Variants in C2CD3 observed in about 807,000 individuals in gnomAD.
C2CD3 encodes the protein C2 domain containing 3 centriole elongation regulator, also known as C2 domain-containing protein 3.
C2CD3 carries 148 observed loss-of-function variants against 234.0 expected under a neutral mutation model. The observed-to-expected ratio is 0.63, with a 90% CI of 0.55 to 0.72. C2CD3 has a LOEUF of 0.72. C2CD3 is among the 30% of genes least tolerant of loss of function. C2CD3 has a pLI of 0.00. For missense variants in C2CD3, 2,577 were observed against 2,811.5 expected, an observed-to-expected ratio of 0.92 and a Z score of 1.89; for synonymous variants, 1,000 against 1,035.4, an observed-to-expected ratio of 0.97 and a Z score of 0.66.
intron 20 of C2CD3, among the ~76,000 whole-genome samples, chr11:74,090,361 C>T (rs1347980774): frequency 1.3e-4 from 20 of 152,016 alleles, no homozygotes; most frequent in Admixed American, 1.0e-3. Context: ...ATGAGGATCC[C>T]GCCACTGCAC....
At chr11:74,091,228 C>T (rs1328744923) in intron 19 of C2CD3, 1 of 258,888 alleles carries the variant, frequency 3.9e-6, no homozygotes, top group African/African-American at 2.2e-5. Flanking sequence ...CTTTTTACCC[C>T]CAATTATGTT....
intron 32 of C2CD3, 123 bp downstream of exon 32, chr11:74,028,164 G>C: frequency 1.4e-6 from 1 of 691,378 alleles, no homozygotes; most frequent in Non-Finnish European, 2.4e-6. Flanking sequence ...GTACAAACTT[G>C]AGGAGTGACC....
At chr11:74,079,164 T>C (rs1232528706) in intron 22 of C2CD3, among the ~76,000 whole-genome samples, 3 of 152,224 alleles carry the variant, frequency 2.0e-5, no homozygotes, top group African/African-American at 7.2e-5. Context: ...AAAAGAGATC[T>C]GGGGTCTAGA....
At chr11:74,074,169 C>G (rs1385928206) in intron 24 of C2CD3, 84 bp downstream of exon 24, 6 of 914,398 alleles carry the variant, frequency 6.6e-6, no homozygotes, top group South Asian at 1.7e-5. Flanking sequence ...ATTAACAGAT[C>G]CTGCCATGAT....
intron 31 of C2CD3, 110 bp from the exon 32 acceptor site, chr11:74,028,508 A>G (rs762977406): frequency 1.5e-6 from 1 of 687,628 alleles, no homozygotes; most frequent in Non-Finnish European, 2.4e-6. Context: ...TTTTCCCTCA[A>G]CTATTCTTGT....
intron 24 of C2CD3, among the ~76,000 whole-genome samples, chr11:74,072,663 T>TA (rs1228246770): frequency 6.6e-6 from 1 of 151,908 alleles, no homozygotes; most frequent in Non-Finnish European, 1.5e-5. Flanking sequence ...GACACAGGGA[T>TA]AAATATATTC....
At position 74,113,900 on chromosome 11, in the gene C2CD3, GAA is replaced by G; in HGVS notation, c.1731-10_1731-9del. The stretch of plus-strand genomic sequence containing the variant: ...TATTCTACAAAGAAAGTGCTAAAAA[GAA>G]AAAAAAAGTGATTAAAAACTAACCA... On this transcript the variant is annotated splice_polypyrimidine_tract_variant and intron_variant, in intron 10 of 32. Transcript: ENST00000334126. 1 of 1,457,284 alleles carries G rather than the reference GAA, an allele frequency of 6.9e-7. No homozygotes were observed. Among genetic ancestry groups the G allele is most frequent in the Non-Finnish European group, 9.4e-7 (1 of 1,068,132 alleles). 90.3% of individuals were successfully genotyped at this position (1,457,284 alleles called of 1,614,324 possible).
chr11:74,168,512 C>A lies in C2CD3; in HGVS notation c.157G>T (p.Ala53Ser). 6.2e-7 allele frequency: 1 copy of A among 1,614,114 alleles called. No homozygotes were observed. Reference sequence around the variant, plus strand: ...ACAAGTACACAAGTGGGAGGCTTTGCAATCTTCCATATGACTCTATTAACA... The same window carrying A: ...ACAAGTACACAAGTGGGAGGCTTTGAAATCTTCCATATGACTCTATTAACA... ...LTVNRVIWKI[A>S]KPPTCVLVRV... The change falls in exon 2 of 33, where the codon GCA (alanine) becomes TCA (serine). Residue 53 changes from alanine (A) to serine (S), a missense_variant. Transcript: ENST00000334126.
At chr11:74,070,991 G>T (rs1345149200) in intron 24 of C2CD3, 1 of 152,130 alleles carries the variant, frequency 6.6e-6, no homozygotes, top group Non-Finnish European at 1.5e-5. Flanking sequence ...GCAAAAAAAT[G>T]CCCTCTGTGT....
intron 3 of C2CD3, among the ~76,000 whole-genome samples, chr11:74,140,939 G>A (rs1012247013): frequency 6.6e-6 from 1 of 152,064 alleles, no homozygotes; most frequent in African/African-American, 2.4e-5. Flanking sequence ...AAATCCCAAT[G>A]GAGAAACGCC....
At chr11:74,132,799 T>C in intron 7 of C2CD3, 45 bp downstream of exon 7, 5 of 1,588,296 alleles carry the variant, frequency 3.1e-6, no homozygotes, top group Non-Finnish European at 4.3e-6. Context: ...TACTATGAAT[T>C]GGAGGAAGAG....
At chr11:74,133,748 G>GTGCAC (rs1254189116) in intron 5 of C2CD3, 191 bp from the exon 6 acceptor site, 5 of 597,938 alleles carry the variant, frequency 8.4e-6, no homozygotes, top group Non-Finnish European at 1.2e-5. Context: ...AGTTTCTACT[G>GTGCAC]TGCACTGTTT....
rs186569198 is a variant in C2CD3 at position 74,027,263 on chromosome 11, C to T, written c.6921+1024G>A. The stretch of plus-strand genomic sequence containing the variant: ...CAGGGACTATAGGCACGTGCCACCA[C>T]GCCTGCCTAATTTTTGTAATTTTTA... On this transcript the variant is annotated intron_variant, in intron 32 of 32. Transcript: ENST00000334126. 2.6e-5 allele frequency among the ~76,000 whole-genome samples: 4 copies of T among 152,230 alleles called. No individual in the cohort carries two copies. In the East Asian group the frequency reaches 5.8e-4, roughly 22 times the overall value.
intron 7 of C2CD3, among the ~76,000 whole-genome samples, chr11:74,127,295 G>A (rs1321664963): frequency 1.3e-5 from 2 of 152,180 alleles, no homozygotes; most frequent in East Asian, 1.9e-4. Flanking sequence ...ACCACACTGC[G>A]CCCGGCCTGG....
intron 24 of C2CD3, among the ~76,000 whole-genome samples, chr11:74,063,873 C>T (rs192229692): frequency 2.6e-5 from 4 of 152,170 alleles, no homozygotes; most frequent in African/African-American, 4.8e-5. Context: ...AAAACCCCAT[C>T]GTCTCAGCCC....
rs1482883847 is a variant in C2CD3 at position 74,023,736 on chromosome 11, C to T, written c.6921+4551G>A. ...GATCATTGCATTAGCACATAGAAAG[C>T]TGCAGCCTTCCCATATTAAAAAACA... On this transcript the variant is annotated intron_variant, in intron 32 of 32. Coordinates refer to ENST00000334126, the MANE Select transcript of C2CD3 (RefSeq NM_001286577.2). Among the ~76,000 whole-genome samples the T allele has an allele frequency of 2.6e-5, 4 of 152,102 alleles. No individual in the cohort carries two copies. The East Asian group carries it at 7.7e-4, about 29-fold the overall frequency.
intron 29 of C2CD3, among the ~76,000 whole-genome samples, chr11:74,038,910 A>G (rs1393240960): frequency 6.6e-6 from 1 of 152,242 alleles, no homozygotes; most frequent in African/African-American, 2.4e-5. Context: ...TGTGCCTGGT[A>G]TAATCAACAC....
chr11:74,150,270 A>T (rs562968948), intron 3 of C2CD3, among the ~76,000 whole-genome samples: 2 of 151,774 alleles, frequency 1.3e-5, no homozygotes, highest in African/African-American at 4.8e-5. Context: ...TCAAGCCAGG[A>T]GTTTGAAACC....
intron 16 of C2CD3, among the ~76,000 whole-genome samples, chr11:74,096,833 T>C (rs1436773730): frequency 1.3e-5 from 2 of 152,198 alleles, no homozygotes; most frequent in African/African-American, 2.4e-5. Flanking sequence ...CGATTATCTA[T>C]TGACAAACAA....
Sources: gnomAD v4.1 joint callset for allele counts (sites outside exome capture counted in the v4.1 genomes callset) on GRCh38, gnomAD v4.1.1 for gene constraint, MANE v1.5 for transcripts, NCBI Gene and HGNC (gene_info 2026-07-23, HGNC 2026-07-21) for gene names.